Variants in PLEKHM3 observed in about 807,000 individuals in gnomAD.
PLEKHM3 encodes the protein pleckstrin homology domain-containing family M member 3.
Under a neutral mutation model 81.8 loss-of-function variants are expected in PLEKHM3, and 45 were observed. The observed-to-expected ratio is 0.55, with a 90% confidence interval of 0.43 to 0.71. The LOEUF is 0.71. Among genes scored for constraint, PLEKHM3 ranks in the 30% least tolerant of loss-of-function variants. The pLI, the probability that PLEKHM3 is intolerant of heterozygous loss-of-function variation, is 0.00. For synonymous variants in PLEKHM3, 352 were observed against 356.4 expected (o/e 0.99, Z 0.14); for missense variants, 788 against 924.3 (o/e 0.85, Z 1.91).
intron 6 of PLEKHM3, among the ~76,000 whole-genome samples, chr2:207,876,526 T>C (rs2092560914): frequency 6.6e-6 from 1 of 152,354 alleles, no homozygotes; most frequent in Admixed American, 6.5e-5. Flanking sequence ...GAGACTTGTC[T>C]GCCTAATCAG....
chr2:207,890,243 CAAAAT>C (rs754274249), intron 6 of PLEKHM3, among the ~76,000 whole-genome samples: 1 of 152,162 alleles, frequency 6.6e-6, no homozygotes, highest in Non-Finnish European at 1.5e-5. Flanking sequence ...GTTAATAAAA[CAAAAT>C]AGAGTTACCA....
intron 6 of PLEKHM3, among the ~76,000 whole-genome samples, chr2:207,894,396 C>T (rs1009215793): frequency 6.6e-6 from 1 of 152,164 alleles, no homozygotes; most frequent in Non-Finnish European, 1.5e-5. Flanking sequence ...AATATAGTCC[C>T]AATATCTACA....
intron 6 of PLEKHM3, among the ~76,000 whole-genome samples, chr2:207,891,627 C>G (rs564075171): frequency 3.3e-5 from 5 of 152,272 alleles, no homozygotes; most frequent in African/African-American, 7.2e-5. Context: ...GAACTCGGGA[C>G]CGAGCAGTCC....
intron 7 of PLEKHM3, among the ~76,000 whole-genome samples, chr2:207,834,457 G>A (rs1288275864): frequency 8.0e-6 from 1 of 125,048 alleles, no homozygotes; most frequent in Non-Finnish European, 1.6e-5. Context: ...TTGAGATGGA[G>A]TTTTGCTCTT....
At chr2:207,910,724 G>C (rs1688784960) in intron 5 of PLEKHM3, among the ~76,000 whole-genome samples, 1 of 152,120 alleles carries the variant, frequency 6.6e-6, no homozygotes, top group African/African-American at 2.4e-5. Context: ...GCAGTATAGA[G>C]CCACTGATGC....
At chr2:207,971,785 C>T (rs2106019177) in intron 3 of PLEKHM3, among the ~76,000 whole-genome samples, 2 of 152,360 alleles carry the variant, frequency 1.3e-5, no homozygotes, top group South Asian at 4.1e-4. Context: ...TCATTTGCTG[C>T]TACAGGTGTC....
At chr2:207,829,342 C>T (rs1030377083) in intron 7 of PLEKHM3, among the ~76,000 whole-genome samples, 2 of 152,070 alleles carry the variant, frequency 1.3e-5, no homozygotes, top group African/African-American at 4.8e-5. Flanking sequence ...GGTGTGACCT[C>T]GGCTCACTGC....
In PLEKHM3 at chr2:207,972,536, G is replaced by A. The variant is rs560112560; in HGVS notation, c.1546+4115C>T. On this transcript the variant is annotated intron_variant, in intron 3 of 7. Coordinates refer to ENST00000427836, the MANE Select transcript of PLEKHM3 (RefSeq NM_001080475.3). ...CAGGAGGCGGAGGTTGCAGTGAGCCGAGATCATAACACTGCACTCCAGCCT... is the reference window on the plus strand; with the variant it reads ...CAGGAGGCGGAGGTTGCAGTGAGCCAAGATCATAACACTGCACTCCAGCCT... Among the ~76,000 whole-genome samples the A allele has an allele frequency of 2.5e-4, 37 of 148,656 alleles. 1 individual carries two copies. In the South Asian group the frequency reaches 7.2e-3, roughly 29 times the overall value.
chr2:207,961,189 G>A (rs1221684397), intron 3 of PLEKHM3, among the ~76,000 whole-genome samples: 1 of 152,160 alleles, frequency 6.6e-6, no homozygotes, highest in African/African-American at 2.4e-5. Context: ...CACATCATGT[G>A]TGTCTATTAT....
intron 6 of PLEKHM3, among the ~76,000 whole-genome samples, chr2:207,875,817 AAAC>A (rs368508005): frequency 2.2e-4 from 34 of 152,014 alleles, no homozygotes; most frequent in South Asian, 1.2e-3. Flanking sequence ...TAAAAAAAGC[AAAC>A]AACAACAACA....
intron 2 of PLEKHM3, 80 bp downstream of exon 2, chr2:208,000,950 A>G (rs1428294010): frequency 6.3e-6 from 8 of 1,275,950 alleles, no homozygotes; most frequent in East Asian, 5.1e-5. Context: ...AGTCAGATAT[A>G]AAAACATACA....
At chr2:207,998,147 A>G (rs1692181534) in intron 2 of PLEKHM3, among the ~76,000 whole-genome samples, 1 of 152,188 alleles carries the variant, frequency 6.6e-6, no homozygotes, top group African/African-American at 2.4e-5. Context: ...GAGAATGCCG[A>G]AAGAAAAGGT....
chr2:207,994,311 T>C (rs1691998549), intron 2 of PLEKHM3, among the ~76,000 whole-genome samples: 1 of 152,182 alleles, frequency 6.6e-6, no homozygotes, highest in African/African-American at 2.4e-5. Flanking sequence ...ATTGTAATTC[T>C]GAGATGTTAA....
Position 207,840,815 on chromosome 2 carries a change from T to A in PLEKHM3, c.2109-12319A>T, listed in dbSNP as rs945633951. Reference sequence around the variant, plus strand: ...ACTTTTTATGTTTTTTTTTTTTTTTTTTTTTTTGAGACAGAGTCTCTGTCA... The same window carrying A: ...ACTTTTTATGTTTTTTTTTTTTTTTATTTTTTTGAGACAGAGTCTCTGTCA... On this transcript the variant is annotated intron_variant, in intron 7 of 7. Transcript: ENST00000427836. Among the ~76,000 whole-genome samples, 13 of 146,270 alleles carry A rather than the reference T, an allele frequency of 8.9e-5. 1 individual carries two copies. The highest frequency in any genetic ancestry group is 4.4e-4 in the South Asian group (2 of 4,516).
At chr2:207,909,319 T>C (rs767262631) in intron 5 of PLEKHM3, among the ~76,000 whole-genome samples, 7 of 152,198 alleles carry the variant, frequency 4.6e-5, no homozygotes, top group Admixed American at 3.9e-4. Context: ...TACCAAAGTG[T>C]AGATGACTGG....
At chr2:207,898,681 C>A (rs1255864824) in intron 6 of PLEKHM3, among the ~76,000 whole-genome samples, 1 of 151,992 alleles carries the variant, frequency 6.6e-6, no homozygotes. Flanking sequence ...TTGCTTGAGT[C>A]CAGGAATTCA....
intron 3 of PLEKHM3, among the ~76,000 whole-genome samples, chr2:207,962,090 ACC>A (rs1216029464): frequency 6.6e-6 from 1 of 152,138 alleles, no homozygotes; most frequent in Non-Finnish European, 1.5e-5. Context: ...CTAAGATCAC[ACC>A]TGAGTTTATG....
At chr2:207,912,505 C>T (rs1688840542) in intron 5 of PLEKHM3, among the ~76,000 whole-genome samples, 1 of 152,140 alleles carries the variant, frequency 6.6e-6, no homozygotes, top group Non-Finnish European at 1.5e-5. Flanking sequence ...CTTATTGTGT[C>T]TGGAGAACTG....
chr2:207,982,162 C>T (rs1227235546), intron 2 of PLEKHM3, among the ~76,000 whole-genome samples: 1 of 152,138 alleles, frequency 6.6e-6, no homozygotes, highest in Admixed American at 6.5e-5. Context: ...CCATGGTGCA[C>T]CTGTCAGCCT....
Sources: gnomAD v4.1 joint callset for allele counts (sites outside exome capture counted in the v4.1 genomes callset) on GRCh38, gnomAD v4.1.1 for gene constraint, MANE v1.5 for transcripts, NCBI Gene and HGNC (gene_info 2026-07-23, HGNC 2026-07-21) for gene names.